Variants in STK3 observed in about 807,000 individuals in gnomAD.
The protein encoded by STK3 is serine/threonine kinase 3, also known as serine/threonine-protein kinase 3.
Under a neutral mutation model 58.0 loss-of-function variants are expected in STK3, and 41 were observed. The ratio of observed to expected loss-of-function variants is 0.71; its 90% CI spans 0.55 to 0.92. The LOEUF (loss-of-function observed/expected upper bound fraction) is 0.92, where lower values mean the gene tolerates loss of function less well. Ranked by LOEUF, STK3 falls within the 40% of genes least tolerant of loss-of-function variation. STK3 has a pLI of 0.00. For synonymous variants in STK3, 170 were observed against 191.0 expected (o/e 0.89, Z 0.91); for missense variants, 479 against 602.7 (o/e 0.79, Z 2.15).
the STK3 span, among the ~76,000 whole-genome samples, chr8:98,360,518 T>C: frequency 2.0e-5 from 3 of 149,192 alleles, no homozygotes; most frequent in African/African-American, 7.7e-5. Context: ...TTTCTTTCTT[T>C]TTTTTTTTTT....
intron 6 of STK3, chr8:98,601,571 A>G (rs1586981074): frequency 1.3e-5 from 2 of 152,376 alleles, no homozygotes; most frequent in Admixed American, 1.3e-4. Context: ...TTAGAGTCTA[A>G]TGGAATATAA....
downstream of STK3, among the ~76,000 whole-genome samples, chr8:98,399,032 C>A (rs1693928121): frequency 6.6e-6 from 1 of 152,164 alleles, no homozygotes; most frequent in East Asian, 1.9e-4. Flanking sequence ...ACGTTCACTG[C>A]ATGTAATCCA....
chr8:98,867,662 A>C (rs948406283), intron 3 of STK3, among the ~76,000 whole-genome samples: 1 of 152,168 alleles, frequency 6.6e-6, no homozygotes, highest in African/African-American at 2.4e-5. Flanking sequence ...TTATGAGCAC[A>C]GTCTCTGGAG....
chr8:98,839,972 A>C (rs1337139105), intron 3 of STK3, among the ~76,000 whole-genome samples: 1 of 152,206 alleles, frequency 6.6e-6, no homozygotes, highest in Non-Finnish European at 1.5e-5. Context: ...TAAGGGGAGA[A>C]AGTAATAGAG....
chr8:98,916,126 G>A lies in STK3; in HGVS notation c.-79+26252C>T, dbSNP rs554311105. 9.2e-5 allele frequency among the ~76,000 whole-genome samples: 14 copies of A among 152,172 alleles called. No individual in the cohort carries two copies. The South Asian group carries it at 2.1e-3, about 23-fold the overall frequency. On this transcript the variant is annotated intron_variant, in intron 1 of 1. Transcript: ENST00000519420. ...GTTAAAACCCCGTTTAAAAAAATAC[G>A]AAAACTGGCCCGTCGTGGTGGCTCA...
At chr8:98,462,265 A>G (rs1235710611) in intron 10 of STK3, among the ~76,000 whole-genome samples, 1 of 150,872 alleles carries the variant, frequency 6.6e-6, no homozygotes, top group Non-Finnish European at 1.5e-5. Context: ...GGCTCACCGC[A>G]ACTGATGAGA....
At chr8:98,872,205 G>A (rs1158574063) in intron 3 of STK3, among the ~76,000 whole-genome samples, 2 of 152,162 alleles carry the variant, frequency 1.3e-5, no homozygotes, top group African/African-American at 4.8e-5. Flanking sequence ...AGTTGATCGT[G>A]GTGGATAAGC....
intron 3 of STK3, among the ~76,000 whole-genome samples, chr8:98,856,127 C>T (rs1836663526): frequency 7.7e-6 from 1 of 129,532 alleles, no homozygotes; most frequent in African/African-American, 2.9e-5. Flanking sequence ...TGCACTCCAA[C>T]TTGGGCGAAA....
At chr8:98,694,677 A>T (rs546580212) in intron 6 of STK3, among the ~76,000 whole-genome samples, 1 of 152,310 alleles carries the variant, frequency 6.6e-6, no homozygotes, top group Admixed American at 6.5e-5. Flanking sequence ...AAAGAACATG[A>T]ACTCATCATT....
intron 4 of STK3, among the ~76,000 whole-genome samples, chr8:98,718,319 G>A (rs1440666004): frequency 6.6e-6 from 1 of 152,160 alleles, no homozygotes; most frequent in Non-Finnish European, 1.5e-5. Flanking sequence ...GAAGTTTAAT[G>A]CACCAGAAGA....
At chr8:98,408,633 C>T (rs1818023343) in intron 3 of STK3, among the ~76,000 whole-genome samples, 1 of 152,214 alleles carries the variant, frequency 6.6e-6, no homozygotes, top group African/African-American at 2.4e-5. Flanking sequence ...TTTAGGCAAT[C>T]ATTTGTATTC....
intron 3 of STK3, among the ~76,000 whole-genome samples, chr8:98,404,679 C>CA (rs35146514): frequency 0.1 from 9,645 of 95,238 alleles, 733 homozygotes; most frequent in South Asian, 0.23. Context: ...GTCTCTGTCT[C>CA]AAAAAAAAAA....
At chr8:98,469,693 T>C (rs1820771552) in intron 10 of STK3, among the ~76,000 whole-genome samples, 1 of 152,248 alleles carries the variant, frequency 6.6e-6, no homozygotes, top group South Asian at 2.1e-4. Context: ...CTAGTAAATC[T>C]TCACATTTTT....
intron 7 of STK3, among the ~76,000 whole-genome samples, chr8:98,589,908 C>G (rs925558007): frequency 6.6e-5 from 10 of 152,348 alleles, no homozygotes; most frequent in African/African-American, 2.2e-4. Context: ...AGGGAACCCC[C>G]TGACCCCTTG....
intron 1 of STK3, among the ~76,000 whole-genome samples, chr8:98,929,667 A>C (rs973735366): frequency 2.0e-5 from 3 of 152,154 alleles, no homozygotes; most frequent in Non-Finnish European, 4.4e-5. Flanking sequence ...TAAATAAATA[A>C]AGGAATAAAG....
At chr8:98,561,066 G>C (rs535309283) in intron 8 of STK3, among the ~76,000 whole-genome samples, 25 of 151,922 alleles carry the variant, frequency 1.6e-4, no homozygotes, top group Non-Finnish European at 3.2e-4. Flanking sequence ...AAGAAAATTG[G>C]AAGATTCAGT....
At chr8:98,422,941 G>A (rs1818190425) in intron 3 of STK3, among the ~76,000 whole-genome samples, 1 of 152,178 alleles carries the variant, frequency 6.6e-6, no homozygotes, top group Admixed American at 6.5e-5. Flanking sequence ...AGGCATCTAG[G>A]AGGATTGGCT....
chr8:98,547,000 T>A (rs1374635059), intron 9 of STK3, among the ~76,000 whole-genome samples: 1 of 152,072 alleles, frequency 6.6e-6, no homozygotes, highest in Non-Finnish European at 1.5e-5. Flanking sequence ...AAGAAAAGGG[T>A]GGGCAAAAAG....
intron 6 of STK3, among the ~76,000 whole-genome samples, chr8:98,637,105 C>T (rs76855623): frequency 0.011 from 1,604 of 144,270 alleles, 42 homozygotes; most frequent in African/African-American, 0.039. Flanking sequence ...TAATAAATTT[C>T]AAAATGAAAA....
Sources: allele counts gnomAD v4.1 joint callset (sites outside exome capture counted in the v4.1 genomes callset), GRCh38; gene constraint gnomAD v4.1.1; transcripts MANE v1.5; gene names NCBI Gene and HGNC (gene_info 2026-07-23, HGNC 2026-07-21).